Variants in NEK9 observed in about 807,000 individuals in gnomAD.
NEK9 encodes NIMA related kinase 9, also known as serine/threonine-protein kinase Nek9.
Under a neutral mutation model 123.4 loss-of-function variants are expected in NEK9, and 75 were observed. That is an observed-to-expected ratio of 0.61 (90% confidence interval 0.50 to 0.74). The LOEUF (loss-of-function observed/expected upper bound fraction) is 0.74. Among genes scored for constraint, NEK9 ranks in the 30% least tolerant of loss-of-function variants. NEK9 has a pLI of 0.00. For missense variants in NEK9, 952 were observed against 1,214.4 expected (o/e 0.78, Z 3.21); for synonymous variants, 438 against 458.7 (o/e 0.95, Z 0.58).
In NEK9 at chr14:75,101,047, C is replaced by T; in HGVS notation, c.1947G>A (p.Gly649=). ...CGCAGGAGACCCTGATCACTTGCTT[C>T]CCACCAAGGGGTCCCCCCAACAGGT... ...GINLLGGPLG[G]KQVIRVSCGD... The change falls in exon 16 of 22, where the codon GGG becomes GGA. Residue 649 remains glycine, a synonymous_variant. Coordinates refer to ENST00000238616, the MANE Select transcript of NEK9 (RefSeq NM_033116.6). The T allele has an allele frequency of 6.2e-7, 1 of 1,614,228 alleles. No individual in the cohort carries two copies. Among genetic ancestry groups the T allele is most frequent in the Middle Eastern group, 1.6e-4 (1 of 6,062 alleles).
intron 2 of NEK9, 37 bp from the exon 3 acceptor site, chr14:75,121,211 T>C: frequency 6.5e-7 from 1 of 1,546,814 alleles, no homozygotes; most frequent in Non-Finnish European, 8.9e-7. Flanking sequence ...AATTGCTTAA[T>C]ACAGATCAAA....
At chr14:75,117,172 A>T (rs750295109) in intron 6 of NEK9, 23 bp downstream of exon 6, 3 of 1,608,460 alleles carry the variant, frequency 1.9e-6, no homozygotes, top group Non-Finnish European at 1.7e-6. Flanking sequence ...TAAATGCAAT[A>T]TGGGGATAAT....
Position 75,087,142 on chromosome 14 carries a change from T to G in NEK9, c.2693A>C (p.Glu898Ala). The G allele has an allele frequency of 1.2e-6, 2 of 1,614,110 alleles. No individual in the cohort carries two copies. Among genetic ancestry groups the G allele is most frequent in the Non-Finnish European group, 1.7e-6 (2 of 1,180,012 alleles). The part of the protein sequence containing the change: ...PACACSSLQV[E>A]VERLQGLVLK... ...CACCAGACCCTGCAATCTCTCAACC[T>G]CCACCTGCAGAGAGCTGCACGCACA... Residue 898 changes from glutamate to alanine, a missense_variant, in exon 21 of 22, where the codon GAG becomes GCG. Around this residue, in one of 4 missense-constraint regions of NEK9, gnomAD observed 698 missense variants for 875.6 expected, o/e 0.80. Transcript: ENST00000238616.
rs1893841875 is a variant in NEK9 at position 75,080,601 on chromosome 14, ATT to A, written c.*3961_*3962del. 2 of 151,818 alleles carry A rather than the reference ATT, an allele frequency of 1.3e-5. No homozygotes were observed. Among genetic ancestry groups the A allele is most frequent in the Non-Finnish European group, 1.5e-5 (1 of 67,994 alleles). The allele number at this position is 151,818 out of a possible 1,614,324, so 9.4% of individuals were successfully genotyped here. ...GGGGAAACTCCTCATGTGGAAACTC[ATT>A]TCATTAAAAATGTATGCAGATGTGC... On this transcript the variant is annotated 3_prime_UTR_variant, in exon 22 of 22. Transcript: ENST00000238616.
Position 75,083,107 on chromosome 14 carries a change from A to C in NEK9, c.*1457T>G, listed in dbSNP as rs1234617293. 2.5e-6 allele frequency: 1 copy of C among 398,510 alleles called. No homozygotes were observed. Among genetic ancestry groups the C allele is most frequent in the Non-Finnish European group, 4.4e-6 (1 of 226,058 alleles). The allele number at this position is 398,510 out of a possible 1,614,324, so 24.7% of individuals were successfully genotyped here. A position where few individuals can be genotyped will look rare whatever the true frequency, so the allele number is the denominator to read the frequency against. Reference sequence around the variant, plus strand: ...TTTCCATTGCACAAGACCTCCCACAATGTTGATAAGATTATCAAACATTTT... The same window carrying C: ...TTTCCATTGCACAAGACCTCCCACACTGTTGATAAGATTATCAAACATTTT... On this transcript the variant is annotated 3_prime_UTR_variant, in exon 22 of 22. Transcript: ENST00000238616.
chr14:75,099,068 C>T (rs922767366), intron 16 of NEK9, among the ~76,000 whole-genome samples: 3 of 152,184 alleles, frequency 2.0e-5, no homozygotes, highest in African/African-American at 7.2e-5. Flanking sequence ...ATCCCTGAGA[C>T]CCCTCATGAG....
intron 14 of NEK9, 103 bp from the exon 15 acceptor site, chr14:75,101,868 G>A (rs1894595219): frequency 5.3e-6 from 4 of 751,920 alleles, no homozygotes; most frequent in Non-Finnish European, 9.3e-6. Flanking sequence ...GGCCTTTCAA[G>A]TAAGTTATAT....
chr14:75,126,791 G>C lies in NEK9; in HGVS notation c.131C>G (p.Ala44Gly). 2 of 1,530,748 alleles carry C rather than the reference G, an allele frequency of 1.3e-6. No individual in the cohort carries two copies. The highest frequency in any genetic ancestry group is 1.8e-6 in the Non-Finnish European group (2 of 1,139,666). 94.8% of individuals were successfully genotyped at this position (1,530,748 alleles called of 1,614,324 possible). The change falls in exon 1 of 22, where the codon GCG becomes GGG. Residue 44 changes from alanine to glycine, a missense_variant. Around this residue, in one of 4 missense-constraint regions of NEK9, gnomAD observed 120 missense variants for 97.6 expected, o/e 1.23. Coordinates refer to ENST00000238616, the MANE Select transcript of NEK9 (RefSeq NM_033116.6). Reference protein sequence around the residue: ...ASQGPRAGGGAAEQEELHYIP... With the variant: ...ASQGPRAGGGGAEQEELHYIP... The stretch of plus-strand genomic sequence containing the variant: ...GTAGTGCAGTTCCTCCTGCTCCGCC[G>C]CGCCGCCGCCGGCTCGCGGCCCCTG...
chr14:75,097,150 T>C lies in NEK9; in HGVS notation c.2123A>G (p.His708Arg), dbSNP rs1477825776. The C allele has an allele frequency of 6.2e-7, 1 of 1,613,662 alleles. No individual in the cohort carries two copies. The highest frequency in any genetic ancestry group is 8.5e-7 in the Non-Finnish European group (1 of 1,179,812). ...ACGGCAAGACAGGTCCGGGACATGA[T>C]GCAGAGATCCAAAAATAGGCCGAGG... Reference protein sequence around the residue: ...SWPRPIFGSLHHVPDLSCRGW... With the variant: ...SWPRPIFGSLRHVPDLSCRGW... The change falls in exon 17 of 22, where the codon CAT becomes CGT. Residue 708 changes from histidine (H) to arginine (R), a missense_variant. Physicochemically the swap from His to Arg is conservative, Grantham distance 29 (BLOSUM62 0). Transcript: ENST00000238616.
intron 18 of NEK9, among the ~76,000 whole-genome samples, chr14:75,093,849 C>T (rs1894295625): frequency 6.6e-6 from 1 of 152,192 alleles, no homozygotes; most frequent in East Asian, 1.9e-4. Context: ...GAGATGTTCA[C>T]TTTCACTCCA....
At position 75,079,623 on chromosome 14, in the gene NEK9, G is replaced by C. The variant is rs934631688; in HGVS notation, c.*4941C>G. The C allele has an allele frequency of 6.6e-6, 1 of 152,218 alleles. No individual in the cohort carries two copies. The highest frequency in any genetic ancestry group is 1.5e-5 in the Non-Finnish European group (1 of 68,044). 9.4% of individuals were successfully genotyped at this position (152,218 alleles called of 1,614,324 possible). On this transcript the variant is annotated 3_prime_UTR_variant, in exon 22 of 22. Transcript: ENST00000238616. ...ACAGATGTTTTATTTCGCTGGCCTAGCATTCATAATATGATCTGACATTTA... is the reference window on the plus strand; with the variant it reads ...ACAGATGTTTTATTTCGCTGGCCTACCATTCATAATATGATCTGACATTTA...
At chr14:75,099,063 T>C (rs1894477231) in intron 16 of NEK9, among the ~76,000 whole-genome samples, 4 of 152,208 alleles carry the variant, frequency 2.6e-5, no homozygotes, top group Non-Finnish European at 5.9e-5. Flanking sequence ...ACAATATCCC[T>C]GAGACCCCTC....
chr14:75,120,369 A>G (rs1457702395), intron 4 of NEK9, 141 bp downstream of exon 4: 5 of 557,502 alleles, frequency 9.0e-6, no homozygotes, highest in Non-Finnish European at 1.6e-5. Context: ...AATATTGCTC[A>G]TTACTTTCCT....
Position 75,118,905 on chromosome 14 carries a change from G to C in NEK9, c.555C>G (p.Thr185=), listed in dbSNP as rs1254898303. 1 of 1,603,346 alleles carries C rather than the reference G, an allele frequency of 6.2e-7. No homozygotes were observed. The highest frequency in any genetic ancestry group is 8.5e-7 in the Non-Finnish European group (1 of 1,170,936). ...CTCCAAGTTTTATCAGGTTTGCCTT[G>C]GTCAGAAAAATATTTAATGTCTTTA... ...RDIKTLNIFL[T]KANLIKLGDY... The change falls in exon 5 of 22, where the codon ACC becomes ACG. Residue 185 remains threonine (T), a synonymous_variant. Transcript: ENST00000238616.
chr14:75,100,085 C>T lies in NEK9; in HGVS notation c.2002+907G>A, dbSNP rs145188900. The stretch of plus-strand genomic sequence containing the variant: ...TGGAGGTTGCAGTGAGCCAAGATCG[C>T]GCCATTGTACTCTAGGCTGGGCAAT... On this transcript the variant is annotated intron_variant, in intron 16 of 21. Coordinates refer to ENST00000238616, the MANE Select transcript of NEK9 (RefSeq NM_033116.6). 3.5e-3 allele frequency among the ~76,000 whole-genome samples: 438 copies of T among 124,476 alleles called. 1 individual carries two copies. The highest frequency in any genetic ancestry group is 0.011 in the African/African-American group (384 of 33,496). 81.7% of individuals were successfully genotyped at this position (124,476 alleles called of 152,430 possible). A position where few individuals can be genotyped will look rare whatever the true frequency, so the allele number is the denominator to read the frequency against.
intron 18 of NEK9, 72 bp from the exon 19 acceptor site, chr14:75,091,550 A>G (rs1594824635): frequency 7.6e-7 from 1 of 1,308,862 alleles, no homozygotes; most frequent in East Asian, 2.7e-5. Flanking sequence ...TGACAACCCT[A>G]CTTACCCTGG....
At chr14:75,108,478 G>A (rs1594841180) in intron 10 of NEK9, among the ~76,000 whole-genome samples, 2 of 151,120 alleles carry the variant, frequency 1.3e-5, no homozygotes, top group Admixed American at 6.6e-5. Context: ...TATACTACAA[G>A]TCCTCATATT....
chr14:75,112,963 G>A (rs1165873059), intron 8 of NEK9, among the ~76,000 whole-genome samples: 6 of 152,220 alleles, frequency 3.9e-5, no homozygotes, highest in Non-Finnish European at 4.4e-5. Context: ...TTATAGAGGA[G>A]AAAGCCAAGA....
chr14:75,091,202 G>T, intron 19 of NEK9, 68 bp downstream of exon 19: 1 of 1,343,098 alleles, frequency 7.4e-7, no homozygotes, highest in Non-Finnish European at 1.0e-6. Context: ...GAGAGACCCT[G>T]ACAGCTCTTT....
Sources: allele counts gnomAD v4.1 joint callset (sites outside exome capture counted in the v4.1 genomes callset), GRCh38; gene constraint gnomAD v4.1.1; regional missense constraint gnomAD v4.1.1; transcripts MANE v1.5; gene names NCBI Gene and HGNC (gene_info 2026-07-23, HGNC 2026-07-21).